Variants in KLF8 observed in about 807,000 individuals in gnomAD.
The protein encoded by KLF8 is KLF transcription factor 8, also known as Krueppel-like factor 8.
Under a neutral mutation model 18.2 loss-of-function variants are expected in KLF8, and 10 were observed. The ratio of observed to expected loss-of-function variants is 0.55; its 90% confidence interval spans 0.34 to 0.93. KLF8 has a LOEUF of 0.93. KLF8 is among the 40% of genes least tolerant of loss of function. The pLI is 0.02. For missense variants in KLF8, 264 were observed against 277.9 expected (o/e 0.95, Z 0.36); for synonymous variants, 109 against 97.3 (o/e 1.12, Z -0.71).
At chrX:55,936,956 C>T in the KLF8 span, among the ~76,000 whole-genome samples, 1 of 112,175 alleles carries the variant, frequency 8.9e-6, no homozygotes, top group Non-Finnish European at 1.9e-5. Flanking sequence ...GGGCAGGGCA[C>T]AGACAAACGA....
chrX:55,988,697 T>C, the KLF8 span, among the ~76,000 whole-genome samples: 5 of 111,575 alleles, frequency 4.5e-5, no homozygotes, highest in Non-Finnish European at 9.4e-5. Flanking sequence ...TCTTTTTTGG[T>C]TCCATATGAA....
chrX:56,174,455 C>G, the KLF8 span, among the ~76,000 whole-genome samples: 1 of 111,792 alleles, frequency 8.9e-6, no homozygotes, highest in African/African-American at 3.3e-5. Context: ...CCCACTTGAT[C>G]ATGGTTGATA....
At chrX:56,034,851 G>A in the KLF8 span, among the ~76,000 whole-genome samples, 1 of 101,116 alleles carries the variant, frequency 9.9e-6, no homozygotes, top group Non-Finnish European at 2.0e-5. Context: ...CGCCTCCCGG[G>A]TTCACGCCAT....
At chrX:55,963,690 C>T in the KLF8 span, among the ~76,000 whole-genome samples, 4 of 111,645 alleles carry the variant, frequency 3.6e-5, no homozygotes, top group Admixed American at 1.9e-4. Context: ...TTCAACACAC[C>T]ACAAACAGTG....
the KLF8 span, among the ~76,000 whole-genome samples, chrX:55,920,136 C>T: frequency 9.0e-6 from 1 of 111,634 alleles, no homozygotes; most frequent in Non-Finnish European, 1.9e-5. Flanking sequence ...ATGGTAGCTC[C>T]CCCGGGTGGC....
intron 2 of KLF8, among the ~76,000 whole-genome samples, chrX:56,263,508 CAG>C (rs34023916): frequency 0.52 from 56,595 of 109,715 alleles, 13,262 homozygotes; most frequent in Non-Finnish European, 0.72. Flanking sequence ...GTTTTTGACG[CAG>C]AGTCTTGCTC....
the KLF8 span, among the ~76,000 whole-genome samples, chrX:56,104,322 G>T: frequency 9.0e-6 from 1 of 111,152 alleles, no homozygotes; most frequent in Non-Finnish European, 1.9e-5. Context: ...GGTAGAATTC[G>T]GTTGTGAATC....
chrX:55,981,355 C>A, the KLF8 span, among the ~76,000 whole-genome samples: 1 of 112,000 alleles, frequency 8.9e-6, no homozygotes, highest in Non-Finnish European at 1.9e-5. Context: ...TTAATTAGGG[C>A]TACACTATTG....
the KLF8 span, among the ~76,000 whole-genome samples, chrX:56,081,542 A>C: frequency 2.7e-5 from 3 of 111,397 alleles, no homozygotes; most frequent in East Asian, 5.6e-4. Context: ...AAAGTGGGCA[A>C]CCCTATTTTG....
chrX:56,220,116 G>A, the KLF8 span, among the ~76,000 whole-genome samples: 6 of 112,321 alleles, frequency 5.3e-5, no homozygotes, highest in Admixed American at 9.4e-5. Context: ...TTGCGCTAAA[G>A]ATCTACAAAA....
chrX:56,104,198 G>A, the KLF8 span, among the ~76,000 whole-genome samples: 3 of 111,367 alleles, frequency 2.7e-5, no homozygotes, highest in Non-Finnish European at 3.8e-5. Flanking sequence ...TTTCTGCCAG[G>A]CTTTGGTATC....
the KLF8 span, among the ~76,000 whole-genome samples, chrX:56,056,093 C>T: frequency 1.8e-5 from 2 of 111,734 alleles, no homozygotes; most frequent in African/African-American, 6.5e-5. Flanking sequence ...TGTTCAGAAC[C>T]TTTGCTGGAG....
the KLF8 span, among the ~76,000 whole-genome samples, chrX:55,999,366 C>T: frequency 1.1e-5 from 1 of 89,013 alleles, no homozygotes; most frequent in African/African-American, 4.5e-5. Flanking sequence ...TTTTCTAATT[C>T]TTTGAAAAAT....
chrX:56,173,783 G>C, the KLF8 span, among the ~76,000 whole-genome samples: 1 of 111,417 alleles, frequency 9.0e-6, no homozygotes, highest in Non-Finnish European at 1.9e-5. Flanking sequence ...ATTGAGCAGT[G>C]GTTTGTAGTT....
chrX:55,942,377 G>A, the KLF8 span, among the ~76,000 whole-genome samples: 168 of 109,809 alleles, frequency 1.5e-3, 1 homozygote, highest in Admixed American at 3.0e-3. Flanking sequence ...TGGGGTGGGG[G>A]GTGGTGGGGT....
intron 1 of KLF8, 73 bp downstream of exon 1, chrX:56,233,414 C>T (rs1189661691): frequency 1.6e-5 from 13 of 803,752 alleles, no homozygotes; most frequent in Non-Finnish European, 2.5e-5. Context: ...TCCCAGTCCC[C>T]CTGCTCCCCC....
At chrX:55,979,007 A>G in the KLF8 span, among the ~76,000 whole-genome samples, 4 of 111,565 alleles carry the variant, frequency 3.6e-5, no homozygotes, top group African/African-American at 1.3e-4. Flanking sequence ...AGGACACATG[A>G]TAACCAAGAC....
chrX:56,270,431 A>G, intron 5 of KLF8, 110 bp downstream of exon 5: 1 of 908,979 alleles, frequency 1.1e-6, no homozygotes, highest in Non-Finnish European at 1.4e-6. Flanking sequence ...AGGGGCAGAG[A>G]GAGAGAGAGA....
the KLF8 span, among the ~76,000 whole-genome samples, chrX:56,071,809 G>A: frequency 8.9e-6 from 1 of 111,960 alleles, no homozygotes; most frequent in South Asian, 3.7e-4. Flanking sequence ...GAATGTTTAG[G>A]TAAGAGTTTT....
Sources: gnomAD v4.1 joint callset for allele counts (sites outside exome capture counted in the v4.1 genomes callset) on GRCh38, gnomAD v4.1.1 for gene constraint, MANE v1.5 for transcripts, NCBI Gene and HGNC (gene_info 2026-07-23, HGNC 2026-07-21) for gene names.